Variants in SPAG16 observed in about 807,000 individuals in gnomAD.
SPAG16 encodes the protein sperm-associated antigen 16 protein.
SPAG16 carries 86 observed loss-of-function variants against 80.4 expected under a neutral mutation model. That is an observed-to-expected ratio of 1.07 (90% CI 0.90 to 1.28). The LOEUF is 1.28. Among genes scored for constraint, SPAG16 ranks in the 50% most tolerant of loss-of-function variants. The probability of loss-of-function intolerance (pLI) is 0.00; values close to 1 mark genes in which losing one functional copy is unlikely to be tolerated. For synonymous variants in SPAG16, 294 were observed against 265.9 expected, an observed-to-expected ratio of 1.11 and a Z score of -1.03; for missense variants, 870 against 765.3, an observed-to-expected ratio of 1.14 and a Z score of -1.61.
chr2:213,886,100 G>A (rs576924745), intron 11 of SPAG16, among the ~76,000 whole-genome samples: 11 of 152,168 alleles, frequency 7.2e-5, no homozygotes, highest in Admixed American at 2.0e-4. Flanking sequence ...TTGGTTTTTC[G>A]TGACCTCTCT....
chr2:213,639,825 T>C (rs2062517543), intron 10 of SPAG16, among the ~76,000 whole-genome samples: 1 of 152,236 alleles, frequency 6.6e-6, no homozygotes, highest in Non-Finnish European at 1.5e-5. Context: ...GATTATTCCC[T>C]CAAATAAGTT....
rs370923448 is a variant in SPAG16 at position 214,046,047 on chromosome 2, G to T, written c.1527+31970G>T. Among the ~76,000 whole-genome samples, 59 of 152,050 alleles carry T rather than the reference G, an allele frequency of 3.9e-4. 1 individual carries two copies. The South Asian group carries it at 0.012, about 32-fold the overall frequency. ...TAACTGATACCATAGAAATTGAAAG[G>T]ATTATTAGCAGCCACTACAAGCAAT... On this transcript the variant is annotated intron_variant, in intron 13 of 15. Transcript: ENST00000331683.
At chr2:214,070,455 A>G (rs1016639625) in intron 13 of SPAG16, among the ~76,000 whole-genome samples, 1 of 151,978 alleles carries the variant, frequency 6.6e-6, no homozygotes, top group African/African-American at 2.4e-5. Context: ...TTCTTTCTCC[A>G]CTGCTTTGAA....
chr2:213,679,940 A>G (rs1308226556), intron 10 of SPAG16, among the ~76,000 whole-genome samples: 1 of 152,108 alleles, frequency 6.6e-6, no homozygotes, highest in African/African-American at 2.4e-5. Context: ...TTGTTTTAGG[A>G]TTATGGGGAT....
intron 9 of SPAG16, among the ~76,000 whole-genome samples, chr2:213,484,741 G>A (rs987111957): frequency 6.6e-6 from 1 of 152,086 alleles, no homozygotes; most frequent in East Asian, 1.9e-4. Flanking sequence ...GCAACATTAG[G>A]TACTGCAAGA....
chr2:213,655,279 C>T (rs190736174), intron 10 of SPAG16, among the ~76,000 whole-genome samples: 14 of 152,230 alleles, frequency 9.2e-5, no homozygotes, highest in Non-Finnish European at 2.1e-4. Flanking sequence ...TCTGTGAACC[C>T]AGAGCTAATC....
chr2:214,009,825 T>G (rs2124933063), intron 12 of SPAG16, among the ~76,000 whole-genome samples: 2 of 152,286 alleles, frequency 1.3e-5, no homozygotes, highest in East Asian at 3.9e-4. Context: ...CCAATTAATT[T>G]TCCCACCTTT....
intron 10 of SPAG16, among the ~76,000 whole-genome samples, chr2:213,821,766 T>C (rs2072955580): frequency 6.6e-6 from 1 of 152,192 alleles, no homozygotes; most frequent in South Asian, 2.1e-4. Context: ...AGTTCAATTA[T>C]TTTAACTTTT....
intron 10 of SPAG16, among the ~76,000 whole-genome samples, chr2:213,791,378 ACTTAT>A (rs2070692738): frequency 6.6e-6 from 1 of 152,142 alleles, no homozygotes; most frequent in Non-Finnish European, 1.5e-5. Context: ...AAATAATGTC[ACTTAT>A]CTTTAGTATA....
chr2:213,374,897 A>C (rs2066809253), intron 8 of SPAG16, 113 bp from the exon 9 acceptor site: 3 of 723,806 alleles, frequency 4.1e-6, no homozygotes, highest in Non-Finnish European at 4.5e-6. Context: ...TAATTTAATG[A>C]ATTTTTTAAA....
At chr2:213,945,769 A>G (rs1423794178) in intron 12 of SPAG16, among the ~76,000 whole-genome samples, 1 of 152,134 alleles carries the variant, frequency 6.6e-6, no homozygotes, top group Non-Finnish European at 1.5e-5. Context: ...CACTCACCAA[A>G]CATTAGATCT....
intron 10 of SPAG16, among the ~76,000 whole-genome samples, chr2:213,814,421 C>T (rs2125675989): frequency 6.6e-6 from 1 of 152,274 alleles, no homozygotes; most frequent in Middle Eastern, 3.4e-3. Context: ...CAATTGGGCA[C>T]TATAGTCTAG....
At chr2:213,803,874 A>T (rs1187537631) in intron 10 of SPAG16, among the ~76,000 whole-genome samples, 1 of 152,232 alleles carries the variant, frequency 6.6e-6, no homozygotes, top group Non-Finnish European at 1.5e-5. Flanking sequence ...AAAAATAAAC[A>T]AACAAATCAG....
chr2:214,177,360 T>C (rs2057126309), intron 15 of SPAG16, among the ~76,000 whole-genome samples: 1 of 151,070 alleles, frequency 6.6e-6, no homozygotes, highest in Admixed American at 6.6e-5. Flanking sequence ...TTTAAAAAGA[T>C]TGACTTAATG....
chr2:213,479,452 AT>A (rs1313046829), intron 9 of SPAG16, among the ~76,000 whole-genome samples: 2 of 151,636 alleles, frequency 1.3e-5, no homozygotes, highest in African/African-American at 4.8e-5. Context: ...GAGGATTGAG[AT>A]CTTTTTGTTT....
Position 213,529,280 on chromosome 2 carries a change from G to A in SPAG16, c.1070+39190G>A, listed in dbSNP as rs78836694. Among the ~76,000 whole-genome samples the A allele has an allele frequency of 8.1e-4, 123 of 152,270 alleles. 1 individual carries two copies. The East Asian group carries it at 0.021, about 26-fold the overall frequency. On this transcript the variant is annotated intron_variant, in intron 10 of 15. Transcript: ENST00000331683. ...TTTTAAAACCACCTCAGAATAAATT[G>A]TGGTCTGCTGGTCAACCAGGCTTCC...
At chr2:213,792,238 C>T (rs1219342532) in intron 10 of SPAG16, among the ~76,000 whole-genome samples, 1 of 152,188 alleles carries the variant, frequency 6.6e-6, no homozygotes, top group African/African-American at 2.4e-5. Context: ...ATAGCTTTTG[C>T]TGACGGAAGC....
chr2:213,510,215 G>A (rs2075166610), intron 10 of SPAG16, among the ~76,000 whole-genome samples: 2 of 151,982 alleles, frequency 1.3e-5, no homozygotes, highest in Non-Finnish European at 2.9e-5. Context: ...GAGATATTGG[G>A]TCCATCCATA....
intron 10 of SPAG16, among the ~76,000 whole-genome samples, chr2:213,491,645 G>T (rs2074239189): frequency 6.6e-6 from 1 of 152,182 alleles, no homozygotes; most frequent in Non-Finnish European, 1.5e-5. Flanking sequence ...GTGTTTTGTG[G>T]AGATAATGGA....
Sources: allele counts gnomAD v4.1 joint callset (sites outside exome capture counted in the v4.1 genomes callset), GRCh38; gene constraint gnomAD v4.1.1; transcripts MANE v1.5; gene names NCBI Gene and HGNC (gene_info 2026-07-23, HGNC 2026-07-21).